Variants in AGBL4 observed in about 807,000 individuals in gnomAD.
AGBL4 encodes the protein cytosolic carboxypeptidase 6.
A neutral mutation model predicts 66.4 loss-of-function variants in AGBL4; 58 were observed. The ratio of observed to expected loss-of-function variants is 0.87; its 90% CI spans 0.71 to 1.09. The LOEUF (loss-of-function observed/expected upper bound fraction) is 1.09, where lower values mean the gene tolerates loss of function less well. AGBL4 is among the 50% of genes least tolerant of loss of function. The pLI is 0.00. For missense variants in AGBL4, 579 were observed against 631.0 expected (o/e 0.92, Z 0.88); for synonymous variants, 234 against 222.9 (o/e 1.05, Z -0.44).
At chr1:49,884,196 T>C (rs886961504) in intron 1 of AGBL4, among the ~76,000 whole-genome samples, 1 of 151,950 alleles carries the variant, frequency 6.6e-6, no homozygotes, top group African/African-American at 2.4e-5. Flanking sequence ...CACATAGATT[T>C]AAGATTGAAT....
intron 1 of AGBL4, among the ~76,000 whole-genome samples, chr1:49,947,023 G>C (rs1655271111): frequency 6.6e-6 from 1 of 151,506 alleles, no homozygotes; most frequent in Admixed American, 6.6e-5. Context: ...TAGACACCCT[G>C]AACAGACCAA....
intron 6 of AGBL4, among the ~76,000 whole-genome samples, chr1:48,772,434 C>T (rs1406156244): frequency 6.6e-6 from 1 of 152,100 alleles, no homozygotes; most frequent in African/African-American, 2.4e-5. Context: ...AGGCAGAGGC[C>T]CCATATCAGA....
At chr1:49,933,529 T>C (rs561219467) in intron 1 of AGBL4, among the ~76,000 whole-genome samples, 3 of 152,206 alleles carry the variant, frequency 2.0e-5, no homozygotes, top group African/African-American at 4.8e-5. Context: ...TGATAGAGTA[T>C]AAATAACTTG....
chr1:49,842,682 T>G (rs915351757), intron 2 of AGBL4, among the ~76,000 whole-genome samples: 1 of 152,064 alleles, frequency 6.6e-6, no homozygotes, highest in African/African-American at 2.4e-5. Context: ...GATTACAGAT[T>G]GTGATGAATG....
chr1:49,202,561 T>C (rs1204362232), intron 4 of AGBL4, among the ~76,000 whole-genome samples: 1 of 152,080 alleles, frequency 6.6e-6, no homozygotes, highest in Non-Finnish European at 1.5e-5. Context: ...TTGGGAAAAT[T>C]GGATATCCAC....
At chr1:49,108,992 T>C (rs1379603849) in intron 4 of AGBL4, among the ~76,000 whole-genome samples, 1 of 152,080 alleles carries the variant, frequency 6.6e-6, no homozygotes, top group African/African-American at 2.4e-5. Context: ...ACCTGAAAAA[T>C]GAGGGGGTTG....
chr1:49,990,718 T>C (rs542384850), intron 1 of AGBL4, among the ~76,000 whole-genome samples: 3 of 152,334 alleles, frequency 2.0e-5, no homozygotes, highest in African/African-American at 7.2e-5. Context: ...CCATGTAATC[T>C]TGGCCAAGCT....
intron 2 of AGBL4, among the ~76,000 whole-genome samples, chr1:49,776,596 C>T (rs934401771): frequency 1.3e-5 from 2 of 151,814 alleles, no homozygotes; most frequent in African/African-American, 4.8e-5. Flanking sequence ...TATGTTTTTC[C>T]CTCTGCATGA....
intron 3 of AGBL4, among the ~76,000 whole-genome samples, chr1:49,623,810 G>T (rs976246971): frequency 2.6e-5 from 4 of 152,172 alleles, no homozygotes; most frequent in African/African-American, 9.7e-5. Context: ...CATATCCCTT[G>T]TGCAGGGCCT....
At chr1:49,639,275 C>A (rs539515243) in intron 3 of AGBL4, among the ~76,000 whole-genome samples, 1 of 152,128 alleles carries the variant, frequency 6.6e-6, no homozygotes, top group African/African-American at 2.4e-5. Flanking sequence ...AATTGGAAGA[C>A]AATATAAACT....
chr1:49,642,655 T>C lies in AGBL4; in HGVS notation c.282+54658A>G, dbSNP rs140232245. On this transcript the variant is annotated intron_variant, in intron 3 of 13. Transcript: ENST00000371839. Reference sequence around the variant, plus strand: ...CGTGCTCACACTAGATGAAAAACCGTTCCTGTCCTCAGCTAAAGCAGAAAA... The same window carrying C: ...CGTGCTCACACTAGATGAAAAACCGCTCCTGTCCTCAGCTAAAGCAGAAAA... Among the ~76,000 whole-genome samples, 1,148 of 151,866 alleles carry C rather than the reference T, an allele frequency of 7.6e-3. 11 individuals are homozygous for C. The highest frequency in any genetic ancestry group is 0.024 in the Middle Eastern group (7 of 294).
intron 3 of AGBL4, among the ~76,000 whole-genome samples, chr1:49,416,907 TA>T (rs1278854435): frequency 6.6e-6 from 1 of 151,954 alleles, no homozygotes; most frequent in African/African-American, 2.4e-5. Context: ...ATGAATACAT[TA>T]AGGAAATGGA....
chr1:49,042,100 C>A (rs1643956786), intron 5 of AGBL4, among the ~76,000 whole-genome samples: 1 of 151,722 alleles, frequency 6.6e-6, no homozygotes, highest in Non-Finnish European at 1.5e-5. Context: ...TCCTTTTTCC[C>A]CTGGTACAGA....
intron 6 of AGBL4, among the ~76,000 whole-genome samples, chr1:48,834,169 A>G (rs892677961): frequency 6.6e-6 from 1 of 152,220 alleles, no homozygotes; most frequent in African/African-American, 2.4e-5. Flanking sequence ...CTGGAAGCAC[A>G]TAACATATGT....
chr1:48,563,827 GC>G (rs906562509), intron 11 of AGBL4, among the ~76,000 whole-genome samples: 12 of 152,162 alleles, frequency 7.9e-5, no homozygotes, highest in African/African-American at 2.9e-4. Context: ...TAAATCAAAA[GC>G]TTGGCTGCTG....
intron 4 of AGBL4, among the ~76,000 whole-genome samples, chr1:49,103,593 A>G (rs766046260): frequency 1.3e-5 from 2 of 152,094 alleles, no homozygotes; most frequent in African/African-American, 2.4e-5. Context: ...TGACTTCTCT[A>G]TTCCCTGCTC....
chr1:49,947,605 T>C (rs1655336685), intron 1 of AGBL4, among the ~76,000 whole-genome samples: 1 of 151,560 alleles, frequency 6.6e-6, no homozygotes, highest in Non-Finnish European at 1.5e-5. Context: ...TTGGGAAAAG[T>C]TGAAAGCATT....
At chr1:49,485,417 T>C (rs1027793200) in intron 3 of AGBL4, among the ~76,000 whole-genome samples, 3 of 121,528 alleles carry the variant, frequency 2.5e-5, no homozygotes, top group African/African-American at 9.7e-5. Context: ...TGAGAACACA[T>C]GGACACTGGA....
At chr1:49,241,206 A>G (rs1651204001) in intron 4 of AGBL4, among the ~76,000 whole-genome samples, 3 of 152,080 alleles carry the variant, frequency 2.0e-5, no homozygotes, top group African/African-American at 4.8e-5. Flanking sequence ...TAAACTGCCA[A>G]TCTGATCATG....
Sources: gnomAD v4.1 joint callset for allele counts (sites outside exome capture counted in the v4.1 genomes callset) on GRCh38, gnomAD v4.1.1 for gene constraint, MANE v1.5 for transcripts, NCBI Gene and HGNC (gene_info 2026-07-23, HGNC 2026-07-21) for gene names.